Variants in EPN2 observed in about 807,000 individuals in gnomAD.
EPN2 encodes the protein epsin 2, also known as epsin-2.
In EPN2, 34 loss-of-function variants were observed where a neutral mutation model predicts 61.7. The ratio of observed to expected loss-of-function variants is 0.55; its 90% CI spans 0.42 to 0.73. The LOEUF (loss-of-function observed/expected upper bound fraction) is 0.73. Ranked by LOEUF, EPN2 falls within the 30% of genes least tolerant of loss-of-function variation. The pLI is 0.00. For missense variants in EPN2, 714 were observed against 839.2 expected, an observed-to-expected ratio of 0.85 and a Z score of 1.84; for synonymous variants, 349 against 353.6, an observed-to-expected ratio of 0.99 and a Z score of 0.15.
chr17:19,254,232 A>G (rs1412753012), intron 1 of EPN2, among the ~76,000 whole-genome samples: 1 of 151,820 alleles, frequency 6.6e-6, no homozygotes, highest in Non-Finnish European at 1.5e-5. Flanking sequence ...AAGGAAAGGA[A>G]GGAAGGAGAA....
At chr17:19,324,401 T>G (rs1906772793) in intron 7 of EPN2, among the ~76,000 whole-genome samples, 1 of 152,232 alleles carries the variant, frequency 6.6e-6, no homozygotes, top group Non-Finnish European at 1.5e-5. Flanking sequence ...TGGCGTGATC[T>G]CAGCTCACTG....
intron 8 of EPN2, chr17:19,329,180 C>A: frequency 2.3e-6 from 1 of 444,324 alleles, no homozygotes; most frequent in Non-Finnish European, 4.0e-6. Flanking sequence ...TGTCCTCACC[C>A]CTGGGGGGCT....
At chr17:19,326,779 A>C (rs1292152960) in intron 7 of EPN2, among the ~76,000 whole-genome samples, 3 of 151,632 alleles carry the variant, frequency 2.0e-5, no homozygotes, top group African/African-American at 7.3e-5. Flanking sequence ...ACGACAGAGG[A>C]GGCCCTGCAT....
chr17:19,307,853 T>C, intron 4 of EPN2: 1 of 960,470 alleles, frequency 1.0e-6, no homozygotes, highest in Non-Finnish European at 1.2e-6. Flanking sequence ...TTTAGGCCTC[T>C]TCCCCTGTTT....
chr17:19,249,495 TC>T (rs2044989475), intron 1 of EPN2: 1 of 152,262 alleles, frequency 6.6e-6, no homozygotes, highest in African/African-American at 2.4e-5. Context: ...TTTCCAGAAA[TC>T]CCTGGATAAT....
chr17:19,279,785 A>G (rs1271131262), intron 1 of EPN2: 1 of 145,530 alleles, frequency 6.9e-6, no homozygotes, highest in Admixed American at 6.8e-5. Context: ...ATTTGAGACC[A>G]TTTTACTGGG....
intron 1 of EPN2, among the ~76,000 whole-genome samples, chr17:19,241,630 G>A (rs894750536): frequency 2.0e-5 from 3 of 150,464 alleles, no homozygotes; most frequent in Admixed American, 1.3e-4. Flanking sequence ...TGATAAGTTC[G>A]TCAATGGAAT....
chr17:19,310,503 T>C (rs1162159058), intron 5 of EPN2, among the ~76,000 whole-genome samples: 2 of 152,160 alleles, frequency 1.3e-5, no homozygotes, highest in Non-Finnish European at 2.9e-5. Context: ...TGTATAGTTT[T>C]AGTTTTTTTC....
At chr17:19,250,385 C>T (rs2045002372) in intron 1 of EPN2, among the ~76,000 whole-genome samples, 1 of 152,142 alleles carries the variant, frequency 6.6e-6, no homozygotes, top group African/African-American at 2.4e-5. Flanking sequence ...CGTGAACCAC[C>T]ATGCCCTGCC....
intron 9 of EPN2, chr17:19,330,574 C>T (rs192240433): frequency 7.2e-5 from 11 of 152,460 alleles, no homozygotes; most frequent in African/African-American, 2.6e-4. Flanking sequence ...TGGGTCTTTC[C>T]TTTGCTGCAT....
At chr17:19,287,195 C>T (rs1567855066) in intron 4 of EPN2, among the ~76,000 whole-genome samples, 1 of 152,016 alleles carries the variant, frequency 6.6e-6, no homozygotes, top group Non-Finnish European at 1.5e-5. Context: ...TGCACCTTCG[C>T]CTGTGCCATT....
At chr17:19,261,075 C>T (rs2045136403) in intron 1 of EPN2, among the ~76,000 whole-genome samples, 1 of 152,224 alleles carries the variant, frequency 6.6e-6, no homozygotes, top group African/African-American at 2.4e-5. Context: ...CTCACGTGCA[C>T]ATCGTTTCCC....
In EPN2 at chr17:19,331,023, T is replaced by A. The variant is rs76154134; in HGVS notation, c.1412-830T>A. On this transcript the variant is annotated intron_variant, in intron 9 of 10. Coordinates refer to ENST00000314728, the MANE Select transcript of EPN2 (RefSeq NM_014964.5). Reference sequence around the variant, plus strand: ...TTTTTTTGTTTTGTTTTGTTTTGAGTCTTTTTTGCTCAGCTCATATTGTCA... The same window carrying A: ...TTTTTTTGTTTTGTTTTGTTTTGAGACTTTTTTGCTCAGCTCATATTGTCA... Among the ~76,000 whole-genome samples, 988 of 152,218 alleles carry A rather than the reference T, an allele frequency of 6.5e-3. 53 individuals are homozygous for A. In the East Asian group the frequency reaches 0.12, roughly 18 times the overall value.
chr17:19,254,806 T>A (rs1238891595), intron 1 of EPN2, among the ~76,000 whole-genome samples: 1 of 152,108 alleles, frequency 6.6e-6, no homozygotes, highest in Admixed American at 6.5e-5. Flanking sequence ...ACTTCTGTTT[T>A]CATGAGAGTC....
chr17:19,313,280 G>T lies in EPN2; in HGVS notation c.1147+1G>T. ...ACTTCAGACCCCTGGCCATCGTTTGGTAAAGACCCCATTACTGGTCTCCCG... is the reference window on the plus strand; with the variant it reads ...ACTTCAGACCCCTGGCCATCGTTTGTTAAAGACCCCATTACTGGTCTCCCG... On this transcript the variant is annotated splice_donor_variant, in intron 7 of 10. Coordinates refer to ENST00000314728, the MANE Select transcript of EPN2 (RefSeq NM_014964.5). LOFTEE classifies it high-confidence loss of function. The T allele has an allele frequency of 6.5e-7, 1 of 1,528,950 alleles. No homozygotes were observed. The highest frequency in any genetic ancestry group is 8.8e-7 in the Non-Finnish European group (1 of 1,142,066). 94.7% of individuals were successfully genotyped at this position (1,528,950 alleles called of 1,614,324 possible).
intron 4 of EPN2, among the ~76,000 whole-genome samples, chr17:19,288,203 C>A (rs1426353985): frequency 6.6e-6 from 1 of 152,194 alleles, no homozygotes; most frequent in Non-Finnish European, 1.5e-5. Context: ...CTTCCCAGGC[C>A]TGCTGACGTC....
chr17:19,253,149 GT>G (rs1322876123), intron 1 of EPN2, among the ~76,000 whole-genome samples: 5 of 152,106 alleles, frequency 3.3e-5, no homozygotes, highest in Admixed American at 6.5e-5. Flanking sequence ...CCAGCCCCTG[GT>G]ATCCGTTAAC....
rs998817966 is a variant in EPN2 at position 19,335,381 on chromosome 17, A to G, written c.*1127A>G. 1.3e-6 allele frequency: 2 copies of G among 1,547,616 alleles called. No individual in the cohort carries two copies. Among genetic ancestry groups the G allele is most frequent in the Non-Finnish European group, 8.7e-7 (1 of 1,145,336 alleles). ...GAATGTGACTCACCAATTTTTATCA[A>G]CTAATTCCTTTTTTTTATTAAAGGC... On this transcript the variant is annotated 3_prime_UTR_variant, in exon 11 of 11. Transcript: ENST00000314728.
chr17:19,308,595 G>T (rs1163378420), intron 4 of EPN2: 1 of 985,280 alleles, frequency 1.0e-6, no homozygotes, highest in Non-Finnish European at 1.2e-6. Flanking sequence ...GCCGAGCTCT[G>T]ACTACAAAAG....
Sources: gnomAD v4.1 joint callset for allele counts (sites outside exome capture counted in the v4.1 genomes callset) on GRCh38, gnomAD v4.1.1 for gene constraint, MANE v1.5 for transcripts, NCBI Gene and HGNC (gene_info 2026-07-23, HGNC 2026-07-21) for gene names.